The following ABLIM2 variants were observed in gnomAD, a reference collection of about 807,000 sequenced individuals.
The protein encoded by ABLIM2 is actin binding LIM protein family member 2.
A neutral mutation model predicts 97.7 loss-of-function variants in ABLIM2; 53 were observed. That is an observed-to-expected ratio of 0.54 (90% CI 0.44 to 0.68). The LOEUF is 0.68. Ranked by LOEUF, ABLIM2 falls within the 30% of genes least tolerant of loss-of-function variation. The pLI, the probability that ABLIM2 is intolerant of heterozygous loss-of-function variation, is 0.00. For synonymous variants in ABLIM2, 361 were observed against 345.8 expected, an observed-to-expected ratio of 1.04 and a Z score of -0.49; for missense variants, 835 against 867.2, an observed-to-expected ratio of 0.96 and a Z score of 0.47.
At position 8,010,699 on chromosome 4, in the gene ABLIM2, C is replaced by G. The variant is rs59795306; in HGVS notation, c.1424-1597G>C. The G allele has an allele frequency of 5.2e-3, 3,502 of 677,210 alleles. 99 individuals carry two copies. In the African/African-American group the frequency reaches 0.059, roughly 11 times the overall value. 42.0% of individuals were successfully genotyped at this position (677,210 alleles called of 1,614,324 possible). A position where few individuals can be genotyped will look rare whatever the true frequency, so the allele number is the denominator to read the frequency against. On this transcript the variant is annotated intron_variant, in intron 14 of 20. Coordinates refer to ENST00000447017, the MANE Select transcript of ABLIM2 (RefSeq NM_001130083.2). Reference sequence around the variant, plus strand: ...AATACAAAGCCCTGCTCTCCCCACTCACAGAGGCAAATCAACGCCAAGCCT... The same window carrying G: ...AATACAAAGCCCTGCTCTCCCCACTGACAGAGGCAAATCAACGCCAAGCCT...
At position 8,046,611 on chromosome 4, in the gene ABLIM2, C is replaced by T. The variant is rs565411453; in HGVS notation, c.823-1370G>A. Among the ~76,000 whole-genome samples the T allele has an allele frequency of 5.1e-4, 77 of 152,288 alleles. No individual in the cohort carries two copies. Among genetic ancestry groups the T allele is most frequent in the African/African-American group, 1.6e-3 (65 of 41,564 alleles). On this transcript the variant is annotated intron_variant, in intron 8 of 20. Coordinates refer to ENST00000447017, the MANE Select transcript of ABLIM2 (RefSeq NM_001130083.2). The surrounding 1 kb of genome is among the most constrained non-coding windows in gnomAD (Gnocchi z 4.4). The stretch of plus-strand genomic sequence containing the variant: ...GAGTAGACCCTTTTCTTGCCACCCC[C>T]AACAATTCTGTCCTGCCCATTTCAG...
chr4:8,126,188 T>C (rs146007671), intron 1 of ABLIM2, among the ~76,000 whole-genome samples: 125 of 152,214 alleles, frequency 8.2e-4, no homozygotes, highest in African/African-American at 2.9e-3. Context: ...AGAGTCCCAG[T>C]TCCTCTGTGC....
chr4:7,997,888 CT>C (rs1264624649), intron 16 of ABLIM2, among the ~76,000 whole-genome samples: 13 of 147,088 alleles, frequency 8.8e-5, no homozygotes, highest in East Asian at 2.0e-4. Flanking sequence ...TTCTTTTTTT[CT>C]TTTTTTTTTG....
chr4:8,037,549 C>CA (rs989869810), intron 9 of ABLIM2, among the ~76,000 whole-genome samples: 1 of 151,962 alleles, frequency 6.6e-6, no homozygotes, highest in African/African-American at 2.4e-5. Context: ...CACTCACACA[C>CA]AACCGGCACA....
rs1770193285 is a variant in ABLIM2 at position 8,017,408 on chromosome 4, TC to T, written c.1423+2209del. The stretch of plus-strand genomic sequence containing the variant: ...TTCAAGCCATTCTCCTGCCTCAGCC[TC>T]CCGAGTAGCTGGGACTACAGGTGCA... On this transcript the variant is annotated intron_variant, in intron 14 of 20. Coordinates refer to ENST00000447017, the MANE Select transcript of ABLIM2 (RefSeq NM_001130083.2). Among the ~76,000 whole-genome samples the T allele has an allele frequency of 2.6e-5, 4 of 151,976 alleles. No individual in the cohort carries two copies. The South Asian group carries it at 6.2e-4, about 24-fold the overall frequency.
intron 1 of ABLIM2, among the ~76,000 whole-genome samples, chr4:8,153,963 CTTTTTTTT>C (rs55681745): frequency 2.3e-5 from 3 of 131,874 alleles, no homozygotes; most frequent in Non-Finnish European, 3.1e-5. Flanking sequence ...AACTTCTTTT[CTTTTTTTT>C]TTTTTTTTTG....
At chr4:8,025,523 T>A (rs1776755655) in intron 12 of ABLIM2, among the ~76,000 whole-genome samples, 1 of 152,054 alleles carries the variant, frequency 6.6e-6, no homozygotes, top group Non-Finnish European at 1.5e-5. Flanking sequence ...GTCCTTGGGC[T>A]CTCTCCTTGG....
intron 14 of ABLIM2, among the ~76,000 whole-genome samples, chr4:8,018,748 A>C (rs968366743): frequency 6.6e-6 from 1 of 152,254 alleles, no homozygotes. Flanking sequence ...CTTTAGGTAC[A>C]TCTGGACAAG....
At chr4:8,133,831 A>G (rs1849779194) in intron 1 of ABLIM2, among the ~76,000 whole-genome samples, 1 of 152,214 alleles carries the variant, frequency 6.6e-6, no homozygotes, top group Non-Finnish European at 1.5e-5. Flanking sequence ...CAGGCAGCCA[A>G]TGGCTGGGCT....
chr4:7,978,199 CTCTCA>C (rs1022649478), intron 20 of ABLIM2, among the ~76,000 whole-genome samples: 34 of 152,306 alleles, frequency 2.2e-4, no homozygotes, highest in African/African-American at 8.2e-4. Context: ...TCACGTCCCA[CTCTCA>C]GCCCGAGGCA....
chr4:8,078,386 C>T (rs1390539293), intron 5 of ABLIM2, among the ~76,000 whole-genome samples: 2 of 152,242 alleles, frequency 1.3e-5, no homozygotes, highest in Non-Finnish European at 2.9e-5. Context: ...GCATAGGGCT[C>T]AGGGAATTGG....
chr4:7,967,089 G>T lies in ABLIM2; in HGVS notation c.1839C>A (p.Pro613=). ...DRTRLERHLS[P]EEFQEVFGMS... is the part of the protein sequence containing the mutation. ...TCCCAAACACTTCCTGGAACTCCTC[G>T]GGCGACAAGTGTCTCTTCAAACAAA... The change falls in exon 21 of 21, where the codon CCC becomes CCA. Residue 613 remains proline (P), a synonymous_variant. Transcript: ENST00000447017. 2.5e-6 allele frequency: 4 copies of T among 1,613,526 alleles called. No homozygotes were observed. The highest frequency in any genetic ancestry group is 3.4e-6 in the Non-Finnish European group (4 of 1,179,840).
At chr4:8,037,219 C>CATGGATACAA (rs1785029564) in intron 9 of ABLIM2, among the ~76,000 whole-genome samples, 1 of 152,016 alleles carries the variant, frequency 6.6e-6, no homozygotes, top group Non-Finnish European at 1.5e-5. Flanking sequence ...GTTGAATCTG[C>CATGGATACAA]AGATGTGGAA....
chr4:8,071,806 C>G lies in ABLIM2; in HGVS notation c.675+5822G>C. ...TGGGCACCAGAGCCCAGTCTGACGG[C>G]CCTGCTTGAGTGCCGTGCTCCCTGG... On this transcript the variant is annotated intron_variant, in intron 6 of 20. Coordinates refer to ENST00000447017, the MANE Select transcript of ABLIM2 (RefSeq NM_001130083.2). This position sits in a 1 kb window ranked among gnomAD's most constrained non-coding sequence, Gnocchi z 6.2. 1 of 985,408 alleles carries G rather than the reference C, an allele frequency of 1.0e-6. No individual in the cohort carries two copies. The highest frequency in any genetic ancestry group is 4.7e-5 in the South Asian group (1 of 21,284). The allele number at this position is 985,408 out of a possible 1,614,324, so 61.0% of individuals were successfully genotyped here. A position where few individuals can be genotyped will look rare whatever the true frequency, so the allele number is the denominator to read the frequency against.
Position 8,022,421 on chromosome 4 carries a change from A to G in ABLIM2, c.1268-2118T>C, listed in dbSNP as rs1774357558. On this transcript the variant is annotated intron_variant, in intron 12 of 20. Transcript: ENST00000447017. The surrounding 1 kb of genome is among the most constrained non-coding windows in gnomAD (Gnocchi z 7.8). ...GCACGTCTATTTGAGGAGGGTCCGG[A>G]GACTCATCAGCTTTCATCAGATACT... is the stretch of plus-strand genomic sequence containing the variant. 6.6e-6 allele frequency among the ~76,000 whole-genome samples: 1 copy of G among 152,180 alleles called. No individual in the cohort carries two copies. Among genetic ancestry groups the G allele is most frequent in the African/African-American group, 2.4e-5 (1 of 41,460 alleles).
chr4:7,971,324 C>CAGG (rs1486557004), intron 20 of ABLIM2, among the ~76,000 whole-genome samples: 2 of 152,186 alleles, frequency 1.3e-5, no homozygotes, highest in South Asian at 2.1e-4. Flanking sequence ...GAAGGCCCTG[C>CAGG]AGGAGTGCAC....
At chr4:7,974,099 C>G (rs1730577075) in intron 20 of ABLIM2, among the ~76,000 whole-genome samples, 1 of 152,188 alleles carries the variant, frequency 6.6e-6, no homozygotes, top group Admixed American at 6.5e-5. Context: ...GCAGAATTGC[C>G]AGCCTGCACA....
intron 10 of ABLIM2, among the ~76,000 whole-genome samples, chr4:8,030,601 C>G (rs925770039): frequency 1.3e-5 from 2 of 152,204 alleles, no homozygotes; most frequent in Non-Finnish European, 1.5e-5. Flanking sequence ...CACCTCCATG[C>G]GCTCAGGCCA....
At chr4:8,145,644 C>T (rs1452337046) in intron 1 of ABLIM2, among the ~76,000 whole-genome samples, 2 of 151,958 alleles carry the variant, frequency 1.3e-5, no homozygotes, top group African/African-American at 2.4e-5. Flanking sequence ...AAATCTCAGG[C>T]CAGCTCCTAA....
Sources: allele counts gnomAD v4.1 joint callset (sites outside exome capture counted in the v4.1 genomes callset), GRCh38; gene constraint gnomAD v4.1.1; non-coding constraint Gnocchi (gnomAD v3.1); transcripts MANE v1.5; gene names NCBI Gene and HGNC (gene_info 2026-07-23, HGNC 2026-07-21).